Variants in B3GAT2 observed in about 807,000 individuals in gnomAD.
B3GAT2 encodes the protein galactosylgalactosylxylosylprotein 3-beta-glucuronosyltransferase 2.
Under a neutral mutation model 27.8 loss-of-function variants are expected in B3GAT2, and 26 were observed. That is an observed-to-expected ratio of 0.93 (90% CI 0.68 to 1.30). The LOEUF is 1.30. B3GAT2 is among the 50% of genes most tolerant of loss of function. B3GAT2 has a pLI of 0.00. For synonymous variants in B3GAT2, 218 were observed against 195.1 expected (o/e 1.12, Z -0.98); for missense variants, 458 against 459.0 (o/e 1.00, Z 0.02).
At chr6:70,872,710 C>T (rs1344672158) in intron 2 of B3GAT2, among the ~76,000 whole-genome samples, 4 of 151,756 alleles carry the variant, frequency 2.6e-5, no homozygotes, top group African/African-American at 9.7e-5. Flanking sequence ...AATTGATTTA[C>T]ATTTGTCTTT....
chr6:70,957,034 TCTC>T lies in B3GAT2; in HGVS notation c.-608_-606del, dbSNP rs1339996235. 50 of 987,488 alleles carry T rather than the reference TCTC, an allele frequency of 5.1e-5. No individual in the cohort carries two copies. The highest frequency in any genetic ancestry group is 6.0e-5 in the Non-Finnish European group (50 of 831,696). The allele number at this position is 987,488 out of a possible 1,614,324, so 61.2% of individuals were successfully genotyped here. ...TGCTCTCAGTCCCTTGCTCTTGTCT[TCTC>T]AGAACCTCTCCGGATCCAGCAGCAA... On this transcript the variant is annotated 5_prime_UTR_variant, in exon 1 of 4. Coordinates refer to ENST00000230053, the MANE Select transcript of B3GAT2 (RefSeq NM_080742.3).
chr6:70,861,389 A>G lies in B3GAT2; in HGVS notation c.*274T>C. 1 of 389,350 alleles carries G rather than the reference A, an allele frequency of 2.6e-6. No individual in the cohort carries two copies. The highest frequency in any genetic ancestry group is 4.7e-6 in the Non-Finnish European group (1 of 214,078). The allele number at this position is 389,350 out of a possible 1,614,324, so 24.1% of individuals were successfully genotyped here. A position where few individuals can be genotyped will look rare whatever the true frequency, so the allele number is the denominator to read the frequency against. Reference sequence around the variant, plus strand: ...TATATACTCAAGAGTGGTATCTTGCAGTATCGGCACTGTACAAAAAAATCT... The same window carrying G: ...TATATACTCAAGAGTGGTATCTTGCGGTATCGGCACTGTACAAAAAAATCT... On this transcript the variant is annotated 3_prime_UTR_variant, in exon 4 of 4. Coordinates refer to ENST00000230053, the MANE Select transcript of B3GAT2 (RefSeq NM_080742.3).
chr6:70,868,377 C>A (rs1435430387), intron 2 of B3GAT2, among the ~76,000 whole-genome samples: 1 of 152,174 alleles, frequency 6.6e-6, no homozygotes, highest in African/African-American at 2.4e-5. Flanking sequence ...CAAGCCTCCT[C>A]TTCTTCCTTC....
In B3GAT2 at chr6:70,859,965, AT is replaced by A. The variant is rs759772512; in HGVS notation, c.*1697del. ...ATTAAAATCCCAAGATTGCTTTGGT[AT>A]TTTTTTTTAAGTAAGTTGTGGTTAA... On this transcript the variant is annotated 3_prime_UTR_variant, in exon 4 of 4. Transcript: ENST00000230053. 2.5e-3 allele frequency: 939 copies of A among 377,184 alleles called. No individual in the cohort carries two copies. Among genetic ancestry groups the A allele is most frequent in the East Asian group, 3.2e-3 (68 of 21,444 alleles). The allele number at this position is 377,184 out of a possible 1,614,324, so 23.4% of individuals were successfully genotyped here.
intron 2 of B3GAT2, among the ~76,000 whole-genome samples, chr6:70,865,850 T>A (rs1771840528): frequency 1.3e-5 from 2 of 151,984 alleles, no homozygotes; most frequent in South Asian, 4.1e-4. Context: ...GAGACAGAGA[T>A]CTCTGAGAAA....
chr6:70,956,306 G>A lies in B3GAT2; in HGVS notation c.124C>T (p.Pro42Ser). 1.3e-6 allele frequency: 2 copies of A among 1,597,288 alleles called. No individual in the cohort carries two copies. Among genetic ancestry groups the A allele is most frequent in the South Asian group, 1.1e-5 (1 of 89,402 alleles). The change falls in exon 1 of 4, where the codon CCC becomes TCC. Residue 42 changes from proline to serine, a missense_variant. Transcript: ENST00000230053. ...PPLTPRPYFSPYAVGRGGARL... is the reference protein window; with the variant it reads ...PPLTPRPYFSSYAVGRGGARL... ...GCGCCCCCGCGGCCCACCGCGTAGG[G>A]AGAGAAGTAGGGGCGCGGGGTGAGC...
At chr6:70,944,374 A>C (rs1765442381) in intron 1 of B3GAT2, among the ~76,000 whole-genome samples, 1 of 152,144 alleles carries the variant, frequency 6.6e-6, no homozygotes, top group South Asian at 2.1e-4. Flanking sequence ...TCCCACCCTA[A>C]TACTGCACTT....
intron 1 of B3GAT2, among the ~76,000 whole-genome samples, chr6:70,911,637 T>C (rs1772690779): frequency 6.6e-6 from 1 of 152,224 alleles, no homozygotes; most frequent in Non-Finnish European, 1.5e-5. Context: ...GGCTCTTTTT[T>C]GGTTCCACCT....
chr6:70,875,375 C>T (rs1035362956), intron 2 of B3GAT2, among the ~76,000 whole-genome samples: 6 of 152,100 alleles, frequency 3.9e-5, no homozygotes, highest in African/African-American at 1.4e-4. Flanking sequence ...ATCATTTCCA[C>T]TAGATTTAAA....
intron 1 of B3GAT2, among the ~76,000 whole-genome samples, chr6:70,954,682 T>G (rs1042756568): frequency 6.6e-6 from 1 of 152,094 alleles, no homozygotes; most frequent in South Asian, 2.1e-4. Context: ...GAAGGGGAAT[T>G]GAGGGGGAGT....
In B3GAT2 at chr6:70,857,989, A is replaced by G. The variant is rs367740510; in HGVS notation, c.*3674T>C. On this transcript the variant is annotated 3_prime_UTR_variant, in exon 4 of 4. Transcript: ENST00000230053. ...CACCAGCTGCATTTCAGGGCTTTCCATCGATGGGCGTGCCTGTGCCTGCAG... is the reference window on the plus strand; with the variant it reads ...CACCAGCTGCATTTCAGGGCTTTCCGTCGATGGGCGTGCCTGTGCCTGCAG... The G allele has an allele frequency of 5.1e-5, 83 of 1,614,036 alleles. No individual in the cohort carries two copies. Among genetic ancestry groups the G allele is most frequent in the Non-Finnish European group, 6.7e-5 (79 of 1,180,010 alleles).
intron 1 of B3GAT2, among the ~76,000 whole-genome samples, chr6:70,904,663 G>T (rs1438002996): frequency 1.3e-5 from 2 of 152,166 alleles, no homozygotes; most frequent in African/African-American, 4.8e-5. Flanking sequence ...AGGGTTCCTG[G>T]CCAATCTGTG....
chr6:70,889,931 G>A (rs1202558185), intron 2 of B3GAT2, among the ~76,000 whole-genome samples: 2 of 151,760 alleles, frequency 1.3e-5, no homozygotes, highest in African/African-American at 2.4e-5. Context: ...ATAGGCATTT[G>A]CCACCACGCC....
At chr6:70,908,181 C>A (rs1772631244) in intron 1 of B3GAT2, among the ~76,000 whole-genome samples, 1 of 152,190 alleles carries the variant, frequency 6.6e-6, no homozygotes, top group African/African-American at 2.4e-5. Context: ...AGGCATCTAA[C>A]AAAGATGAGT....
Position 70,956,222 on chromosome 6 carries a change from G to A in B3GAT2, c.208C>T (p.Arg70Trp), listed in dbSNP as rs747583290. The change falls in exon 1 of 4, where the codon CGG (arginine) becomes TGG (tryptophan). Residue 70 changes from arginine (R) to tryptophan (W), a missense_variant. By Grantham distance (101) the Arg-to-Trp change is moderately radical. Coordinates refer to ENST00000230053, the MANE Select transcript of B3GAT2 (RefSeq NM_080742.3). ...TGCGGCTCCGGCTGTGGCTGCGGCC[G>A]AGACTGGTTGCGCTTTTGGGTCCCG... ...AHGTQKRNQSRPQPQPEPQLP... is the reference protein window; with the variant it reads ...AHGTQKRNQSWPQPQPEPQLP... 3 of 1,612,500 alleles carry A rather than the reference G, an allele frequency of 1.9e-6. No homozygotes were observed. The highest frequency in any genetic ancestry group is 1.7e-5 in the Admixed American group (1 of 59,934).
chr6:70,954,909 G>GTGC (rs1765626522), intron 1 of B3GAT2, among the ~76,000 whole-genome samples: 1 of 145,256 alleles, frequency 6.9e-6, no homozygotes. Flanking sequence ...TGCCTGCCGG[G>GTGC]GGCGGCGGGG....
chr6:70,862,405 A>T (rs1021851584), intron 2 of B3GAT2, among the ~76,000 whole-genome samples: 1 of 152,164 alleles, frequency 6.6e-6, no homozygotes, highest in Admixed American at 6.5e-5. Flanking sequence ...CTGTAATATT[A>T]ATTATGTATG....
intron 1 of B3GAT2, among the ~76,000 whole-genome samples, chr6:70,911,362 T>C (rs1772686935): frequency 6.6e-6 from 1 of 152,212 alleles, no homozygotes; most frequent in Non-Finnish European, 1.5e-5. Flanking sequence ...TTTAATCTTC[T>C]GCATATGGGT....
chr6:70,936,103 C>T (rs1338571334), intron 1 of B3GAT2, among the ~76,000 whole-genome samples: 17 of 151,572 alleles, frequency 1.1e-4, no homozygotes, highest in Admixed American at 1.1e-3. Context: ...GGTTGCAATC[C>T]TAGTCTCTGA....
Sources: allele counts gnomAD v4.1 joint callset (sites outside exome capture counted in the v4.1 genomes callset), GRCh38; gene constraint gnomAD v4.1.1; transcripts MANE v1.5; gene names NCBI Gene and HGNC (gene_info 2026-07-23, HGNC 2026-07-21).